The following CAPN9 variants were observed in gnomAD, a reference collection of about 807,000 sequenced individuals.
The protein encoded by CAPN9 is calpain 9.
A neutral mutation model predicts 92.8 loss-of-function variants in CAPN9; 81 were observed. The ratio of observed to expected loss-of-function variants is 0.87; its 90% confidence interval spans 0.73 to 1.05. The LOEUF (loss-of-function observed/expected upper bound fraction) is 1.05, where lower values mean the gene tolerates loss of function less well. Ranked by LOEUF, CAPN9 falls within the 50% of genes least tolerant of loss-of-function variation. CAPN9 has a pLI of 0.00. For missense variants in CAPN9, 848 were observed against 866.2 expected (o/e 0.98, Z 0.26); for synonymous variants, 304 against 328.0 (o/e 0.93, Z 0.79).
In CAPN9 at chr1:230,751,652, AAAGAAAGAAAGAAAGAAAGAAAG is replaced by A. The variant is rs1664833404; in HGVS notation, c.214-3682_214-3660del. On this transcript the variant is annotated intron_variant, in intron 1 of 19. Coordinates refer to ENST00000271971, the MANE Select transcript of CAPN9 (RefSeq NM_006615.3). ...GAAAGAAAGAAAGAAAGAAAGAAAG[AAAGAAAGAAAGAAAGAAAGAAAG>A]AAAGAAAGAAGGGTGGCTTTTCCCT... 5.2e-5 allele frequency among the ~76,000 whole-genome samples: 4 copies of A among 76,606 alleles called. No homozygotes were observed. In the South Asian group the frequency reaches 1.1e-3, roughly 21 times the overall value. 50.3% of individuals were successfully genotyped at this position (76,606 alleles called of 152,430 possible). A position where few individuals can be genotyped will look rare whatever the true frequency, so the allele number is the denominator to read the frequency against.
chr1:230,779,973 C>T (rs920019481), intron 9 of CAPN9, among the ~76,000 whole-genome samples: 3 of 151,976 alleles, frequency 2.0e-5, no homozygotes, highest in Admixed American at 6.6e-5. Context: ...TTTGCATTCC[C>T]GTTGGGGATT....
chr1:230,764,125 C>A (rs1665817393), intron 4 of CAPN9, among the ~76,000 whole-genome samples: 1 of 152,054 alleles, frequency 6.6e-6, no homozygotes. Flanking sequence ...CTTGATTGGG[C>A]CAAGGGATGC....
intron 18 of CAPN9, among the ~76,000 whole-genome samples, chr1:230,796,229 G>T (rs1668346220): frequency 6.6e-6 from 1 of 151,706 alleles, no homozygotes; most frequent in Non-Finnish European, 1.5e-5. Flanking sequence ...GGAGGCTGAG[G>T]CAGGAGAACC....
intron 4 of CAPN9, among the ~76,000 whole-genome samples, chr1:230,764,982 G>T (rs1004260880): frequency 6.6e-5 from 10 of 152,130 alleles, no homozygotes; most frequent in African/African-American, 2.4e-4. Flanking sequence ...TTGTCAGTGA[G>T]AGGAACTAGA....
Position 230,762,735 on chromosome 1 carries a change from C to T in CAPN9, c.485C>T (p.Ser162Phe). Residue 162 changes from serine to phenylalanine, a missense_variant, in exon 4 of 20, where the codon TCT becomes TTT. Physicochemically the swap from Ser to Phe is radical, Grantham distance 155. Transcript: ENST00000271971. ...TFRDRLVFLH[S>F]ADHNEFWSAL... Reference sequence around the variant, plus strand: ...AGGGACCGCTTGGTTTTCCTCCACTCTGCCGACCACAACGAGTTCTGGAGC... The same window carrying T: ...AGGGACCGCTTGGTTTTCCTCCACTTTGCCGACCACAACGAGTTCTGGAGC... The T allele has an allele frequency of 6.2e-7, 1 of 1,614,180 alleles. No homozygotes were observed. Among genetic ancestry groups the T allele is most frequent in the Non-Finnish European group, 8.5e-7 (1 of 1,180,018 alleles).
At chr1:230,783,643 A>G (rs368337658) in intron 11 of CAPN9, among the ~76,000 whole-genome samples, 2 of 152,198 alleles carry the variant, frequency 1.3e-5, no homozygotes, top group Non-Finnish European at 2.9e-5. Context: ...TGTAAAGCCA[A>G]TTGAACCTCT....
At chr1:230,787,988 C>T (rs532859930) in intron 13 of CAPN9, among the ~76,000 whole-genome samples, 3 of 152,018 alleles carry the variant, frequency 2.0e-5, no homozygotes, top group African/African-American at 2.4e-5. Context: ...CCTGAGTAGC[C>T]GGGACTATAG....
intron 15 of CAPN9, 65 bp downstream of exon 15, chr1:230,791,993 T>C (rs370088175): frequency 5.0e-5 from 55 of 1,109,952 alleles, no homozygotes; most frequent in South Asian, 4.3e-4. Context: ...AGTAGAGTAA[T>C]CTTCAATAGT....
chr1:230,801,501 C>A, intron 19 of CAPN9, 69 bp from the exon 20 acceptor site: 1 of 1,516,278 alleles, frequency 6.6e-7, no homozygotes, highest in East Asian at 2.3e-5. Context: ...ACTGGGGCCA[C>A]TCCTGAGGCT....
chr1:230,751,899 C>A (rs1323390756), intron 1 of CAPN9, among the ~76,000 whole-genome samples: 1 of 151,228 alleles, frequency 6.6e-6, no homozygotes, highest in Non-Finnish European at 1.5e-5. Flanking sequence ...GTGCCTCCCT[C>A]GGGGCTTCAG....
chr1:230,790,886 G>A (rs1021344904), intron 14 of CAPN9, among the ~76,000 whole-genome samples: 11 of 152,334 alleles, frequency 7.2e-5, no homozygotes, highest in African/African-American at 2.6e-4. Flanking sequence ...GGGAGGTGGA[G>A]TTTGCAGTGA....
rs1420510787 is a variant in CAPN9 at position 230,801,940 on chromosome 1, A to G, written c.*344A>G. 3.0e-6 allele frequency: 1 copy of G among 329,576 alleles called. No homozygotes were observed. The highest frequency in any genetic ancestry group is 5.6e-6 in the Non-Finnish European group (1 of 178,132). 20.4% of individuals were successfully genotyped at this position (329,576 alleles called of 1,614,324 possible). ...ACGCACAGAATCCTGACTTCCATGT[A>G]GCTCCAGTCATTGTGATCAGACATC... On this transcript the variant is annotated 3_prime_UTR_variant, in exon 20 of 20. Transcript: ENST00000271971.
chr1:230,786,192 C>G, intron 12 of CAPN9, 175 bp downstream of exon 12: 2 of 984,894 alleles, frequency 2.0e-6, no homozygotes, highest in Non-Finnish European at 2.4e-6. Flanking sequence ...CTAGTCTGTG[C>G]TCTTCTAGTC....
intron 11 of CAPN9, among the ~76,000 whole-genome samples, chr1:230,783,765 G>C (rs1667385627): frequency 6.6e-6 from 1 of 152,200 alleles, no homozygotes; most frequent in South Asian, 2.1e-4. Context: ...TGAAAATGTG[G>C]AAGTGACTTT....
chr1:230,762,917 C>A (rs1197566345), intron 4 of CAPN9, 131 bp downstream of exon 4: 1 of 945,968 alleles, frequency 1.1e-6, no homozygotes, highest in Non-Finnish European at 1.5e-6. Context: ...CAGGACCCAA[C>A]CCTCTCAGGG....
intron 19 of CAPN9, among the ~76,000 whole-genome samples, chr1:230,800,256 AAGAAAG>A (rs1054665553): frequency 7.8e-6 from 1 of 128,896 alleles, no homozygotes; most frequent in African/African-American, 3.0e-5. Context: ...GAAAGAAAGA[AAGAAAG>A]AAAGAAAGAA....
At chr1:230,775,914 C>T (rs1285112204) in intron 8 of CAPN9, among the ~76,000 whole-genome samples, 1 of 126,358 alleles carries the variant, frequency 7.9e-6, no homozygotes, top group Non-Finnish European at 1.6e-5. Context: ...GATACTCCAT[C>T]TCAAAAAAAA....
rs770139166 is a variant in CAPN9 at position 230,798,003 on chromosome 1, A to G, written c.1988-159A>G. The stretch of plus-strand genomic sequence containing the variant: ...GAAGTTCACCTTCAGCCCGCCCTTG[A>G]TGAGAGTCCCATCGCCGCCCTTGAT... On this transcript the variant is annotated intron_variant, in intron 18 of 19. Coordinates refer to ENST00000271971, the MANE Select transcript of CAPN9 (RefSeq NM_006615.3). 1.6e-4 allele frequency among the ~76,000 whole-genome samples: 24 copies of G among 152,244 alleles called. No homozygotes were observed. In the South Asian group the frequency reaches 4.2e-3, roughly 26 times the overall value.
chr1:230,756,024 A>G (rs769620148), intron 2 of CAPN9, among the ~76,000 whole-genome samples: 2 of 152,180 alleles, frequency 1.3e-5, no homozygotes, highest in African/African-American at 4.8e-5. Context: ...ACTTAATCCA[A>G]CTGGGCTGGG....
Sources: allele counts gnomAD v4.1 joint callset (sites outside exome capture counted in the v4.1 genomes callset), GRCh38; gene constraint gnomAD v4.1.1; transcripts MANE v1.5; gene names NCBI Gene and HGNC (gene_info 2026-07-23, HGNC 2026-07-21).